Variants in PRKN observed in about 807,000 individuals in gnomAD.
PRKN encodes the protein E3 ubiquitin-protein ligase parkin.
Under a neutral mutation model 59.5 loss-of-function variants are expected in PRKN, and 56 were observed. That is an observed-to-expected ratio of 0.94 (90% CI 0.76 to 1.18). PRKN has a LOEUF of 1.18. Ranked by LOEUF, PRKN falls within the 50% of genes most tolerant of loss-of-function variation. PRKN has a pLI of 0.00. For missense variants in PRKN, 657 were observed against 596.4 expected (o/e 1.10, Z -1.06); for synonymous variants, 250 against 222.1 (o/e 1.13, Z -1.12).
chr6:162,210,132 T>TAAAATAAA (rs1282133436), intron 3 of PRKN, among the ~76,000 whole-genome samples: 2 of 152,056 alleles, frequency 1.3e-5, no homozygotes, highest in East Asian at 1.9e-4. Flanking sequence ...TAAAATAAAA[T>TAAAATAAA]AAAGAGGCAG....
intron 1 of PRKN, among the ~76,000 whole-genome samples, chr6:162,644,403 T>C (rs367798496): frequency 6.6e-6 from 1 of 152,134 alleles, no homozygotes; most frequent in East Asian, 1.9e-4. Context: ...TGTCTTATAC[T>C]CAGTATCTAA....
At chr6:162,707,214 C>T (rs1420887557) in intron 1 of PRKN, among the ~76,000 whole-genome samples, 2 of 152,132 alleles carry the variant, frequency 1.3e-5, no homozygotes, top group Non-Finnish European at 2.9e-5. Flanking sequence ...AGGTATCTAG[C>T]AACCTCATTT....
chr6:162,276,635 T>G lies in PRKN; in HGVS notation c.172-13870A>C, dbSNP rs1305301557. Among the ~76,000 whole-genome samples the G allele has an allele frequency of 2.0e-5, 3 of 152,148 alleles. No homozygotes were observed. The East Asian group carries it at 5.8e-4, about 29-fold the overall frequency. The stretch of plus-strand genomic sequence containing the variant: ...CACTTCTACTTTTGTCTGTTTAATA[T>G]ATTCACTATCTTTTTGTTTGTTTTT... On this transcript the variant is annotated intron_variant, in intron 2 of 11. Coordinates refer to ENST00000366898, the MANE Select transcript of PRKN (RefSeq NM_004562.3).
At position 161,550,412 on chromosome 6, in the gene PRKN, C is replaced by T. The variant is rs1423413077; in HGVS notation, c.934-1409G>A. Among the ~76,000 whole-genome samples the T allele has an allele frequency of 6.6e-6, 1 of 152,092 alleles. No homozygotes were observed. The highest frequency in any genetic ancestry group is 1.5e-5 in the Non-Finnish European group (1 of 68,010). ...CACCTGGCTGCTATGTTCGGAATAC[C>T]CTCTGGAGGGCCAGGGTGTAGGCAG... On this transcript the variant is annotated intron_variant, in intron 8 of 11. Coordinates refer to ENST00000366898, the MANE Select transcript of PRKN (RefSeq NM_004562.3). The surrounding 1 kb of genome is among the most constrained non-coding windows in gnomAD (Gnocchi z 4.0).
intron 2 of PRKN, among the ~76,000 whole-genome samples, chr6:162,315,402 G>A (rs985031331): frequency 7.2e-5 from 11 of 152,172 alleles, no homozygotes; most frequent in Admixed American, 6.5e-4. Context: ...AAGGCCGCCT[G>A]TAGGAAAGTA....
chr6:161,722,519 T>A (rs1787268403), intron 7 of PRKN, among the ~76,000 whole-genome samples: 1 of 152,154 alleles, frequency 6.6e-6, no homozygotes, highest in East Asian at 1.9e-4. Context: ...TGGCTACATA[T>A]CTGGTAATTT....
At chr6:162,514,052 A>T (rs1653310386) in intron 1 of PRKN, among the ~76,000 whole-genome samples, 1 of 152,208 alleles carries the variant, frequency 6.6e-6, no homozygotes, top group Admixed American at 6.5e-5. Flanking sequence ...TCTCAAAAAA[A>T]AAGAAAAAGA....
chr6:162,348,318 T>C (rs1406594249), intron 2 of PRKN, among the ~76,000 whole-genome samples: 5 of 152,090 alleles, frequency 3.3e-5, no homozygotes, highest in Admixed American at 6.6e-5. Flanking sequence ...TAAAACTATT[T>C]CCAAGTAACT....
chr6:162,597,598 A>G (rs1781540515), intron 1 of PRKN, among the ~76,000 whole-genome samples: 1 of 152,158 alleles, frequency 6.6e-6, no homozygotes, highest in South Asian at 2.1e-4. Context: ...TAATTGTTTC[A>G]TGCCTAATGT....
At chr6:161,847,608 A>G (rs1371205620) in intron 6 of PRKN, among the ~76,000 whole-genome samples, 2 of 141,858 alleles carry the variant, frequency 1.4e-5, no homozygotes, top group Non-Finnish European at 3.1e-5. Flanking sequence ...TTTTTTTCCT[A>G]TTTGTTTCCC....
Position 161,739,649 on chromosome 6 carries a change from T to A in PRKN, c.871+46123A>T, listed in dbSNP as rs1050676122. ...CTACACTTGAAAGATGTTTGCCAAA[T>A]AAACCGTATTTCAGCAATTTTCTTT... On this transcript the variant is annotated intron_variant, in intron 7 of 11. Transcript: ENST00000366898. Among the ~76,000 whole-genome samples, 6 of 152,212 alleles carry A rather than the reference T, an allele frequency of 3.9e-5. No individual in the cohort carries two copies. In the South Asian group the frequency reaches 6.2e-4, roughly 16 times the overall value.
At chr6:162,231,005 G>A (rs923304980) in intron 3 of PRKN, among the ~76,000 whole-genome samples, 3 of 152,158 alleles carry the variant, frequency 2.0e-5, no homozygotes, top group East Asian at 3.9e-4. Context: ...GTTCCTGTAC[G>A]ACAAATGCTG....
At chr6:162,226,690 C>G (rs531991542) in intron 3 of PRKN, among the ~76,000 whole-genome samples, 11 of 152,270 alleles carry the variant, frequency 7.2e-5, no homozygotes, top group African/African-American at 2.6e-4. Flanking sequence ...CCTGCTACCA[C>G]GCCCAGCTAT....
At chr6:162,510,136 C>T (rs189648411) in intron 1 of PRKN, among the ~76,000 whole-genome samples, 4 of 152,244 alleles carry the variant, frequency 2.6e-5, no homozygotes, top group Admixed American at 6.5e-5. Context: ...TGGAATCTGC[C>T]AAAACAACAG....
chr6:161,904,246 A>T lies in PRKN; in HGVS notation c.734+69056T>A, dbSNP rs555672260. Among the ~76,000 whole-genome samples, 9 of 151,258 alleles carry T rather than the reference A, an allele frequency of 6.0e-5. No homozygotes were observed. The South Asian group carries it at 1.9e-3, about 32-fold the overall frequency. On this transcript the variant is annotated intron_variant, in intron 6 of 11. Coordinates refer to ENST00000366898, the MANE Select transcript of PRKN (RefSeq NM_004562.3). ...GCCAGCACGCCCACAGTTTGGGGGG[A>T]AAAAAATAGCCAGACCTTTTTTGAG...
chr6:162,314,577 C>CTCAGGGAACGGCATCT (rs1435654551), intron 2 of PRKN, among the ~76,000 whole-genome samples: 4 of 152,144 alleles, frequency 2.6e-5, no homozygotes, highest in African/African-American at 9.7e-5. Flanking sequence ...CCTAGGTTCT[C>CTCAGGGAACGGCATCT]TCAGGGAACG....
intron 1 of PRKN, among the ~76,000 whole-genome samples, chr6:162,519,269 T>G: frequency 6.6e-6 from 1 of 152,102 alleles, no homozygotes; most frequent in East Asian, 1.9e-4. Flanking sequence ...AGTACAAGAG[T>G]AGGCATGCTG....
chr6:162,275,780 C>T (rs1473438403), intron 2 of PRKN, among the ~76,000 whole-genome samples: 1 of 146,320 alleles, frequency 6.8e-6, no homozygotes, highest in Non-Finnish European at 1.5e-5. Flanking sequence ...AGTGAAAATC[C>T]GTCTCAAAAA....
In PRKN at chr6:162,538,724, G is replaced by C. The variant is rs982657530; in HGVS notation, c.8-95251C>G. 3.3e-5 allele frequency among the ~76,000 whole-genome samples: 5 copies of C among 152,282 alleles called. No homozygotes were observed. In the East Asian group the frequency reaches 9.6e-4, roughly 29 times the overall value. ...TATGCACATGGCTCTCTTGTAAAGAGGTGAGAAAAGATTTCAAAAAGCACT... is the reference window on the plus strand; with the variant it reads ...TATGCACATGGCTCTCTTGTAAAGACGTGAGAAAAGATTTCAAAAAGCACT... On this transcript the variant is annotated intron_variant, in intron 1 of 11. Transcript: ENST00000366898.
Sources: gnomAD v4.1 joint callset for allele counts (sites outside exome capture counted in the v4.1 genomes callset) on GRCh38, gnomAD v4.1.1 for gene constraint, Gnocchi (gnomAD v3.1) non-coding constraint, MANE v1.5 for transcripts, NCBI Gene and HGNC (gene_info 2026-07-23, HGNC 2026-07-21) for gene names.